The following HERC3 variants were observed in gnomAD, a reference collection of about 807,000 sequenced individuals.
HERC3 encodes the protein HECT and RLD domain containing E3 ubiquitin protein ligase 3, also known as probable E3 ubiquitin-protein ligase HERC3.
A neutral mutation model predicts 129.9 loss-of-function variants in HERC3; 58 were observed. That is an observed-to-expected ratio of 0.45 (90% confidence interval 0.36 to 0.56). The LOEUF (loss-of-function observed/expected upper bound fraction) is 0.56, where lower values mean the gene tolerates loss of function less well. Ranked by LOEUF, HERC3 falls within the 20% of genes least tolerant of loss-of-function variation. HERC3 has a pLI of 0.00. For missense variants in HERC3, 835 were observed against 1,244.2 expected, an observed-to-expected ratio of 0.67 and a Z score of 4.95; for synonymous variants, 430 against 451.0, an observed-to-expected ratio of 0.95 and a Z score of 0.59.
At chr4:88,601,472 G>A (rs1560659603) in intron 2 of HERC3, among the ~76,000 whole-genome samples, 1 of 152,204 alleles carries the variant, frequency 6.6e-6, no homozygotes, top group Non-Finnish European at 1.5e-5. Flanking sequence ...GCATAGAAGA[G>A]CCAATTAGCT....
intron 25 of HERC3, among the ~76,000 whole-genome samples, chr4:88,706,334 C>T (rs1578362131): frequency 6.6e-6 from 1 of 152,046 alleles, no homozygotes; most frequent in South Asian, 2.1e-4. Context: ...GTCAGCTCTT[C>T]GGGTTTAAGA....
intron 3 of HERC3, among the ~76,000 whole-genome samples, chr4:88,618,296 C>T (rs1725143429): frequency 6.6e-6 from 1 of 152,124 alleles, no homozygotes; most frequent in South Asian, 2.1e-4. Context: ...TCATGACTCC[C>T]TAAGGTAGCT....
chr4:88,702,467 A>T (rs1478386972), intron 23 of HERC3, among the ~76,000 whole-genome samples: 2 of 152,238 alleles, frequency 1.3e-5, no homozygotes, highest in Non-Finnish European at 2.9e-5. Context: ...ACTTACATAA[A>T]TGCCATCATA....
chr4:88,612,638 C>G (rs1226447989), intron 3 of HERC3, among the ~76,000 whole-genome samples: 1 of 152,060 alleles, frequency 6.6e-6, no homozygotes, highest in Non-Finnish European at 1.5e-5. Flanking sequence ...AGACATATAC[C>G]TCATCCCTCC....
intron 2 of HERC3, among the ~76,000 whole-genome samples, chr4:88,601,561 ATTCAAAGTAAGTCTTCACCAT>A (rs1722969461): frequency 1.3e-5 from 2 of 152,230 alleles, no homozygotes; most frequent in African/African-American, 4.8e-5. Context: ...TAGTATTATA[ATTCAAAGTAAGTCTTCACCAT>A]TTCTGTTAGA....
rs1045640611 is a variant in HERC3 at position 88,686,602 on chromosome 4, C to T, written c.2508-134C>T. 49 of 592,350 alleles carry T rather than the reference C, an allele frequency of 8.3e-5. 1 individual carries two copies. The highest frequency in any genetic ancestry group is 5.6e-4 in the South Asian group (26 of 46,646). The allele number at this position is 592,350 out of a possible 1,614,324, so 36.7% of individuals were successfully genotyped here. A position where few individuals can be genotyped will look rare whatever the true frequency, so the allele number is the denominator to read the frequency against. ...GTAGGTACATGATTTTCTGTCCGTC[C>T]GGATTTATGTTTATTCCAGAATCTT... is the stretch of plus-strand genomic sequence containing the variant. On this transcript the variant is annotated intron_variant, in intron 21 of 25. Coordinates refer to ENST00000402738, the MANE Select transcript of HERC3 (RefSeq NM_014606.3).
the HERC3 span, among the ~76,000 whole-genome samples, chr4:88,568,995 C>A: frequency 6.6e-6 from 1 of 152,164 alleles, no homozygotes; most frequent in Middle Eastern, 3.4e-3. Context: ...CACATGCACC[C>A]CAAGTCCACT....
At chr4:88,540,348 T>C in the HERC3 span, among the ~76,000 whole-genome samples, 1 of 152,118 alleles carries the variant, frequency 6.6e-6, no homozygotes, top group Non-Finnish European at 1.5e-5. Flanking sequence ...AAGATATCAG[T>C]GATTGAAGAT....
the HERC3 span, among the ~76,000 whole-genome samples, chr4:88,558,680 G>C: frequency 2.0e-5 from 3 of 152,166 alleles, no homozygotes; most frequent in East Asian, 5.8e-4. Flanking sequence ...TTCTCATTGA[G>C]AGGCCAGGCG....
At chr4:88,590,445 G>C (rs925154430), upstream of HERC3, among the ~76,000 whole-genome samples, 6 of 152,112 alleles carry the variant, frequency 3.9e-5, no homozygotes, top group Non-Finnish European at 7.4e-5. Context: ...TGTAGTCCCA[G>C]TTACTCAGGA....
intron 1 of HERC3, among the ~76,000 whole-genome samples, chr4:88,593,915 G>A (rs1237343278): frequency 1.3e-5 from 2 of 152,148 alleles, no homozygotes; most frequent in Non-Finnish European, 1.5e-5. Flanking sequence ...TTATAAATCA[G>A]AAAAGCAAAG....
chr4:88,701,172 G>T (rs1735284637), intron 23 of HERC3, among the ~76,000 whole-genome samples: 1 of 152,168 alleles, frequency 6.6e-6, no homozygotes, highest in African/African-American at 2.4e-5. Context: ...AGAGAAGTGA[G>T]GTGTTATATA....
intron 3 of HERC3, among the ~76,000 whole-genome samples, chr4:88,636,599 C>G (rs1560702484): frequency 6.6e-6 from 1 of 152,238 alleles, no homozygotes; most frequent in African/African-American, 2.4e-5. Flanking sequence ...AGACAATTAA[C>G]AAGGATATTC....
intron 3 of HERC3, among the ~76,000 whole-genome samples, chr4:88,613,578 A>G (rs1724586604): frequency 6.6e-6 from 1 of 152,210 alleles, no homozygotes; most frequent in Non-Finnish European, 1.5e-5. Flanking sequence ...AGGGCGCAAT[A>G]ACTCTGTCAT....
intron 20 of HERC3, 144 bp downstream of exon 20, chr4:88,680,380 T>G: frequency 1.7e-6 from 1 of 584,312 alleles, no homozygotes; most frequent in Non-Finnish European, 2.7e-6. Flanking sequence ...TTAAAATGTT[T>G]ATCCAGTCTT....
At chr4:88,598,706 A>G (rs1560656456) in intron 2 of HERC3, among the ~76,000 whole-genome samples, 1 of 152,334 alleles carries the variant, frequency 6.6e-6, no homozygotes, top group East Asian at 1.9e-4. Context: ...TTGGAGCTTA[A>G]GGTGGGTAAA....
chr4:88,606,430 T>C (rs544024355), intron 3 of HERC3, among the ~76,000 whole-genome samples: 1 of 152,194 alleles, frequency 6.6e-6, no homozygotes, highest in African/African-American at 2.4e-5. Flanking sequence ...TTTTTTATCT[T>C]CTTAGAGAAC....
the HERC3 span, among the ~76,000 whole-genome samples, chr4:88,563,779 C>T: frequency 6.6e-6 from 1 of 151,910 alleles, no homozygotes; most frequent in African/African-American, 2.4e-5. Flanking sequence ...CCTGCCTCAG[C>T]CTCCAAGTAG....
chr4:88,526,733 A>G, the HERC3 span, among the ~76,000 whole-genome samples: 4 of 152,032 alleles, frequency 2.6e-5, no homozygotes, highest in Admixed American at 2.6e-4. Context: ...ATGGTGTTTC[A>G]TGTTGCCCAG....
Sources: allele counts gnomAD v4.1 joint callset (sites outside exome capture counted in the v4.1 genomes callset), GRCh38; gene constraint gnomAD v4.1.1; transcripts MANE v1.5; gene names NCBI Gene and HGNC (gene_info 2026-07-23, HGNC 2026-07-21).